Variants in PCDHA9 observed in about 807,000 individuals in gnomAD.
PCDHA9 encodes protocadherin alpha 9.
A neutral mutation model predicts 62.0 loss-of-function variants in PCDHA9; 62 were observed. The ratio of observed to expected loss-of-function variants is 1.00; its 90% CI spans 0.81 to 1.23. The LOEUF is 1.23. PCDHA9 is among the 50% of genes most tolerant of loss of function. PCDHA9 has a pLI of 0.00. For synonymous variants in PCDHA9, 557 were observed against 567.6 expected, an observed-to-expected ratio of 0.98 and a Z score of 0.27; for missense variants, 1,205 against 1,249.8, an observed-to-expected ratio of 0.96 and a Z score of 0.54.
At chr5:140,958,921 G>A (rs269549) in intron 1 of PCDHA9, among the ~76,000 whole-genome samples, 34,177 of 150,822 alleles carry the variant, frequency 0.23, 4,980 homozygotes, top group African/African-American at 0.42. Context: ...GCCTGGGTGT[G>A]GTGGCTCATA....
chr5:140,884,358 A>G lies in PCDHA9; in HGVS notation c.2394+33469A>G, dbSNP rs546242835. On this transcript the variant is annotated intron_variant, in intron 1 of 3. Coordinates refer to ENST00000532602, the MANE Select transcript of PCDHA9 (RefSeq NM_031857.2). Reference sequence around the variant, plus strand: ...CCAGAAGCGGCGCTGGTGGATGTCAATGTTTACTTGATCATTGCCATCTGC... The same window carrying G: ...CCAGAAGCGGCGCTGGTGGATGTCAGTGTTTACTTGATCATTGCCATCTGC... The G allele has an allele frequency of 7.8e-5, 126 of 1,613,886 alleles. 3 individuals carry two copies. The South Asian group carries it at 1.1e-3, about 14-fold the overall frequency.
chr5:140,901,232 AT>A (rs2068522830), intron 1 of PCDHA9, among the ~76,000 whole-genome samples: 4 of 152,022 alleles, frequency 2.6e-5, no homozygotes, highest in East Asian at 1.9e-4. Context: ...CCATATATCC[AT>A]TTTTTTCCTT....
rs183230708 is a variant in PCDHA9, at chr5:140,914,004, A to G, written c.2394+63115A>G. Among the ~76,000 whole-genome samples, 112 of 152,288 alleles carry G rather than the reference A, an allele frequency of 7.4e-4. 1 individual carries two copies. Among genetic ancestry groups the G allele is most frequent in the Middle Eastern group, 6.8e-3 (2 of 294 alleles). On this transcript the variant is annotated intron_variant, in intron 1 of 3. Coordinates refer to ENST00000532602, the MANE Select transcript of PCDHA9 (RefSeq NM_031857.2). ...TTGTATTGTGACTAGCATATGGTCT[A>G]TCTTTGAGAATGATCCACGTGCTGA...
intron 1 of PCDHA9, among the ~76,000 whole-genome samples, chr5:140,893,419 G>A (rs2063984571): frequency 6.6e-6 from 1 of 152,158 alleles, no homozygotes; most frequent in African/African-American, 2.4e-5. Context: ...TAGGGAGGCA[G>A]AGGCAGGAAG....
intron 1 of PCDHA9, among the ~76,000 whole-genome samples, chr5:140,893,669 C>T (rs1204530639): frequency 6.6e-6 from 1 of 152,158 alleles, no homozygotes; most frequent in African/African-American, 2.4e-5. Flanking sequence ...AAAATTTCAG[C>T]ACTTTGGATA....
chr5:140,862,832 C>A (rs1554157076), intron 1 of PCDHA9: 1 of 572,198 alleles, frequency 1.7e-6, no homozygotes, highest in South Asian at 1.4e-5. Context: ...GCGCGCGACG[C>A]GGGCATGCCG....
At chr5:140,862,912 C>T (rs1554157229) in intron 1 of PCDHA9, 1 of 550,038 alleles carries the variant, frequency 1.8e-6, no homozygotes, top group Non-Finnish European at 3.5e-6. Flanking sequence ...GCTGCTGGCG[C>T]CTTGGGTGGG....
chr5:140,873,931 G>A (rs2054580396), intron 1 of PCDHA9, among the ~76,000 whole-genome samples: 1 of 152,172 alleles, frequency 6.6e-6, no homozygotes, highest in African/African-American at 2.4e-5. Flanking sequence ...AAAGTGCTGG[G>A]ATTACAGGTG....
intron 1 of PCDHA9, chr5:140,851,680 A>G (rs2042128414): frequency 2.2e-6 from 2 of 918,856 alleles, no homozygotes; most frequent in African/African-American, 3.6e-5. Flanking sequence ...AATTTTCTCC[A>G]TTCAGTGATA....
chr5:140,937,560 T>A (rs933672983), intron 1 of PCDHA9, among the ~76,000 whole-genome samples: 1 of 152,060 alleles, frequency 6.6e-6, no homozygotes, highest in Non-Finnish European at 1.5e-5. Flanking sequence ...GAGGTTGCAG[T>A]GAGCTGGGAT....
At chr5:140,852,214 ATTTTAAT>A (rs2042272787) in intron 1 of PCDHA9, 1 of 644,752 alleles carries the variant, frequency 1.6e-6, no homozygotes, top group Non-Finnish European at 2.0e-6. Flanking sequence ...AAAACAAAAT[ATTTTAAT>A]TTTTAAATTT....
intron 1 of PCDHA9, chr5:140,862,713 C>CG (rs2153223672): frequency 1.8e-6 from 1 of 561,970 alleles, no homozygotes; most frequent in East Asian, 4.9e-5. Flanking sequence ...AGCGGGTGGG[C>CG]GAGTGCGCGC....
rs369720251 is a variant in PCDHA9 at position 140,883,769 on chromosome 5, G to A, written c.2394+32880G>A. 9.3e-6 allele frequency: 15 copies of A among 1,612,378 alleles called. No homozygotes were observed. The South Asian group carries it at 1.2e-4, about 13-fold the overall frequency. On this transcript the variant is annotated intron_variant, in intron 1 of 3. Transcript: ENST00000532602. ...CTCGCTGGTGGAGCGGCGGGTGGGC[G>A]AGCGTGCGCTGTCGAGCTACGTGTC...
intron 1 of PCDHA9, among the ~76,000 whole-genome samples, chr5:140,931,320 G>A (rs1350182542): frequency 6.6e-6 from 1 of 151,992 alleles, no homozygotes; most frequent in Non-Finnish European, 1.5e-5. Context: ...TACCAGTAAT[G>A]GCTGTAAAGT....
At chr5:140,975,610 C>T (rs1412581927) in intron 1 of PCDHA9, among the ~76,000 whole-genome samples, 5 of 152,160 alleles carry the variant, frequency 3.3e-5, no homozygotes, top group Non-Finnish European at 7.4e-5. Flanking sequence ...TGATGTCTTC[C>T]ACATGGATTT....
At chr5:140,875,596 G>T (rs1554167787) in intron 1 of PCDHA9, 2 of 1,613,938 alleles carry the variant, frequency 1.2e-6, no homozygotes, top group East Asian at 2.2e-5. Context: ...GGCCAAACAC[G>T]GCACCTTCGT....
intron 1 of PCDHA9, chr5:140,869,457 T>C: frequency 6.2e-7 from 1 of 1,614,184 alleles, no homozygotes. Context: ...AGGTTTTCCA[T>C]GTGAACGTGG....
Position 140,848,908 on chromosome 5 carries a change from A to C in PCDHA9, c.413A>C (p.Lys138Thr). The C allele has an allele frequency of 6.2e-7, 1 of 1,600,388 alleles. No individual in the cohort carries two copies. The highest frequency in any genetic ancestry group is 8.5e-7 in the Non-Finnish European group (1 of 1,171,966). The change falls in exon 1 of 4, where the codon AAG becomes ACG. Residue 138 changes from lysine to threonine, a missense_variant. By Grantham distance (78) the Lys-to-Thr change is moderately conservative. This residue lies in a region of PCDHA9 where 208 missense variants were observed against 213.2 expected (regional missense o/e 0.98). Transcript: ENST00000532602. ...DNPPVFPATQ[K>T]NLFIAESRPL... ...CCTCCAGTGTTCCCAGCGACACAAA[A>C]GAATCTGTTCATCGCGGAATCCAGG...
chr5:140,884,478 C>G, intron 1 of PCDHA9: 1 of 1,613,916 alleles, frequency 6.2e-7, no homozygotes, highest in African/African-American at 1.3e-5. Context: ...CCGGGCAAGC[C>G]CACTCTAGTG....
Sources: allele counts gnomAD v4.1 joint callset (sites outside exome capture counted in the v4.1 genomes callset), GRCh38; gene constraint gnomAD v4.1.1; regional missense constraint gnomAD v4.1.1; transcripts MANE v1.5; gene names NCBI Gene and HGNC (gene_info 2026-07-23, HGNC 2026-07-21).